The following NRG1 variants were observed in gnomAD, a reference collection of about 807,000 sequenced individuals.
The protein encoded by NRG1 is neuregulin 1.
A neutral mutation model predicts 63.8 loss-of-function variants in NRG1; 18 were observed. That is an observed-to-expected ratio of 0.28 (90% CI 0.19 to 0.42). The LOEUF is 0.42. Among genes scored for constraint, NRG1 ranks in the 10% least tolerant of loss-of-function variants. The pLI is 1.00. For synonymous variants in NRG1, 302 were observed against 301.3 expected, an observed-to-expected ratio of 1.00 and a Z score of -0.02; for missense variants, 762 against 814.7, an observed-to-expected ratio of 0.94 and a Z score of 0.79.
At chr8:32,132,610 G>A (rs148242903) in intron 1 of NRG1, among the ~76,000 whole-genome samples, 2 of 152,092 alleles carry the variant, frequency 1.3e-5, no homozygotes, top group East Asian at 3.9e-4. Flanking sequence ...TTGATTCTCT[G>A]GCTAAGGGGT....
chr8:31,695,518 C>G (rs73588315), intron 1 of NRG1, among the ~76,000 whole-genome samples: 538 of 152,274 alleles, frequency 3.5e-3, no homozygotes, highest in African/African-American at 0.012. Flanking sequence ...AGAACTCACT[C>G]ACTATCACAA....
chr8:31,969,370 C>T (rs1029892355), intron 1 of NRG1, among the ~76,000 whole-genome samples: 4 of 152,142 alleles, frequency 2.6e-5, no homozygotes, highest in African/African-American at 9.7e-5. Context: ...TCTCACTTTT[C>T]AGAGGAATTC....
At chr8:32,108,977 A>G (rs879670792) in intron 1 of NRG1, among the ~76,000 whole-genome samples, 2 of 152,198 alleles carry the variant, frequency 1.3e-5, no homozygotes, top group Admixed American at 1.3e-4. Context: ...CAATGCAGCA[A>G]AAGACAATAA....
At chr8:32,329,232 G>A (rs1170413879) in intron 1 of NRG1, among the ~76,000 whole-genome samples, 1 of 152,138 alleles carries the variant, frequency 6.6e-6, no homozygotes, top group African/African-American at 2.4e-5. Flanking sequence ...GCCTCCCAAA[G>A]TGCTGGGATT....
chr8:32,190,186 T>TATTATG (rs1392179740), intron 1 of NRG1, among the ~76,000 whole-genome samples: 1 of 150,966 alleles, frequency 6.6e-6, no homozygotes, highest in African/African-American at 2.4e-5. Context: ...TTATTATTAT[T>TATTATG]ATTATTATTA....
chr8:32,517,870 A>T (rs1164376860), intron 1 of NRG1, among the ~76,000 whole-genome samples: 1 of 152,182 alleles, frequency 6.6e-6, no homozygotes, highest in African/African-American at 2.4e-5. Context: ...CCCCTAAGAT[A>T]ATTAAATTAA....
At chr8:31,829,507 G>C (rs1824902196) in intron 1 of NRG1, among the ~76,000 whole-genome samples, 2 of 152,140 alleles carry the variant, frequency 1.3e-5, no homozygotes, top group South Asian at 2.1e-4. Context: ...GTAAAATTTT[G>C]AATGTTTATT....
rs550479621 is a variant in NRG1 at position 32,690,657 on chromosome 8, A to C, written c.503-37292A>C. On this transcript the variant is annotated intron_variant, in intron 5 of 11. Coordinates refer to ENST00000356819, the Ensembl canonical transcript of NRG1. ...AAAGAATTAAAATCAGCACCTGTAGATCTCCTGGTGAAGATAAACTCCATG... is the reference window on the plus strand; with the variant it reads ...AAAGAATTAAAATCAGCACCTGTAGCTCTCCTGGTGAAGATAAACTCCATG... Among the ~76,000 whole-genome samples the C allele has an allele frequency of 9.2e-5, 14 of 152,236 alleles. No individual in the cohort carries two copies. The East Asian group carries it at 2.7e-3, about 29-fold the overall frequency.
chr8:32,608,648 G>A (rs1311331699), intron 3 of NRG1, among the ~76,000 whole-genome samples: 1 of 148,280 alleles, frequency 6.7e-6, no homozygotes, highest in Non-Finnish European at 1.5e-5. Context: ...ACTCAGCCTC[G>A]AGGAGATGGA....
intron 1 of NRG1, chr8:32,099,424 A>G (rs1202433780): frequency 1.3e-5 from 2 of 152,404 alleles, no homozygotes; most frequent in Non-Finnish European, 2.9e-5. Flanking sequence ...CATCTCATGT[A>G]TTCTAAAGTA....
At chr8:31,909,394 C>A (rs979942618) in intron 1 of NRG1, among the ~76,000 whole-genome samples, 1 of 152,018 alleles carries the variant, frequency 6.6e-6, no homozygotes, top group Non-Finnish European at 1.5e-5. Context: ...GAGGTCTTGA[C>A]CAGACCCCTG....
intron 1 of NRG1, among the ~76,000 whole-genome samples, chr8:31,852,305 C>G (rs1827322730): frequency 6.7e-6 from 1 of 150,126 alleles, no homozygotes. Context: ...GCCATTCTAA[C>G]TGGTGTGAGA....
rs569959195 is a variant in NRG1 at position 32,172,282 on chromosome 8, G to A, written c.38-423546G>A. On this transcript the variant is annotated intron_variant, in intron 1 of 10. Coordinates refer to the NRG1 transcript ENST00000519301. ...AAACTCCAACAGACCTGCAGCTGTGGGTCCTGACTGTTAGAAGGAAAACTA... is the reference window on the plus strand; with the variant it reads ...AAACTCCAACAGACCTGCAGCTGTGAGTCCTGACTGTTAGAAGGAAAACTA... 5.7e-4 allele frequency among the ~76,000 whole-genome samples: 87 copies of A among 152,252 alleles called. No homozygotes were observed. The South Asian group carries it at 0.017, about 30-fold the overall frequency.
At chr8:31,982,816 C>A (rs1809375810) in intron 1 of NRG1, among the ~76,000 whole-genome samples, 1 of 151,996 alleles carries the variant, frequency 6.6e-6, no homozygotes, top group South Asian at 2.1e-4. Context: ...ATTTAGTTCC[C>A]AGAGGCTATT....
intron 1 of NRG1, among the ~76,000 whole-genome samples, chr8:32,297,173 T>G (rs891004741): frequency 2.6e-5 from 4 of 152,130 alleles, no homozygotes; most frequent in African/African-American, 9.7e-5. Context: ...GTCCTGCCTT[T>G]TTGTATTTAT....
upstream of NRG1, among the ~76,000 whole-genome samples, chr8:32,544,956 A>AAC (rs1832932722): frequency 3.4e-5 from 1 of 29,836 alleles, no homozygotes; most frequent in East Asian, 4.8e-3. Context: ...ACTTTGTTGC[A>AAC]GTTTTTAAAA....
intron 1 of NRG1, among the ~76,000 whole-genome samples, chr8:31,698,113 G>T (rs1228035962): frequency 6.6e-6 from 1 of 152,054 alleles, no homozygotes; most frequent in African/African-American, 2.4e-5. Context: ...AGTGCTTTGG[G>T]TCGACCAATC....
intron 1 of NRG1, among the ~76,000 whole-genome samples, chr8:31,967,631 C>T (rs1424042627): frequency 2.6e-5 from 4 of 152,110 alleles, no homozygotes; most frequent in Admixed American, 2.6e-4. Flanking sequence ...AACCAGAAGG[C>T]AGGGTGAGGA....
intron 1 of NRG1, among the ~76,000 whole-genome samples, chr8:31,870,007 T>A (rs144343637): frequency 4.5e-4 from 68 of 152,220 alleles, no homozygotes; most frequent in African/African-American, 1.6e-3. Flanking sequence ...TACTGCAAAT[T>A]TGTCAGAAAA....
Sources: gnomAD v4.1 joint callset for allele counts (sites outside exome capture counted in the v4.1 genomes callset) on GRCh38, gnomAD v4.1.1 for gene constraint, MANE v1.5 for transcripts, NCBI Gene and HGNC (gene_info 2026-07-23, HGNC 2026-07-21) for gene names.